Variants in MAPRE2 observed in about 807,000 individuals in gnomAD.
MAPRE2 encodes microtubule-associated protein RP/EB family member 2.
In MAPRE2, 13 loss-of-function variants were observed where a neutral mutation model predicts 43.2. The ratio of observed to expected loss-of-function variants is 0.30; its 90% CI spans 0.20 to 0.48. The LOEUF is 0.48. Ranked by LOEUF, MAPRE2 falls within the 20% of genes least tolerant of loss-of-function variation. The pLI, the probability that MAPRE2 is intolerant of heterozygous loss-of-function variation, is 0.99. For synonymous variants in MAPRE2, 135 were observed against 148.8 expected (o/e 0.91, Z 0.68); for missense variants, 161 against 400.2 (o/e 0.40, Z 5.10).
chr18:34,998,772 A>ATTTTTTTTTT (rs67933808), intron 1 of MAPRE2, among the ~76,000 whole-genome samples: 2,018 of 93,690 alleles, frequency 0.022, 137 homozygotes, highest in Non-Finnish European at 0.024. Context: ...CGAAGTTGCA[A>ATTTTTTTTTT]TTTTTTTTTT....
chr18:35,133,143 T>C (rs1910238266), intron 6 of MAPRE2, among the ~76,000 whole-genome samples: 1 of 152,218 alleles, frequency 6.6e-6, no homozygotes, highest in Non-Finnish European at 1.5e-5. Context: ...TTTACTCTCT[T>C]ATTCCAGCTG....
At chr18:35,097,701 C>T in intron 3 of MAPRE2, 110 bp downstream of exon 3, 1 of 923,138 alleles carries the variant, frequency 1.1e-6, no homozygotes, top group Non-Finnish European at 1.6e-6. Context: ...GATATCCCAA[C>T]AGTAGGCTGG....
upstream of MAPRE2, among the ~76,000 whole-genome samples, chr18:35,036,827 C>T (rs1386153662): frequency 6.6e-6 from 1 of 152,164 alleles, no homozygotes; most frequent in African/African-American, 2.4e-5. Flanking sequence ...TCATTGAGTG[C>T]CTACTATCTG....
intron 2 of MAPRE2, among the ~76,000 whole-genome samples, chr18:35,086,482 A>G (rs1436998094): frequency 3.3e-5 from 5 of 152,022 alleles, no homozygotes; most frequent in Non-Finnish European, 7.4e-5. Flanking sequence ...TAGAAAAGGT[A>G]TAGCTGATAC....
chr18:35,139,016 C>T (rs1297065392), intron 6 of MAPRE2, among the ~76,000 whole-genome samples: 1 of 152,052 alleles, frequency 6.6e-6, no homozygotes, highest in East Asian at 1.9e-4. Context: ...GATCCCTGAC[C>T]TCAGTAACCT....
At chr18:34,993,542 G>A (rs1234558703) in intron 1 of MAPRE2, among the ~76,000 whole-genome samples, 1 of 152,142 alleles carries the variant, frequency 6.6e-6, no homozygotes, top group Non-Finnish European at 1.5e-5. Context: ...TTTTAAGACT[G>A]TAGTTGAGTC....
chr18:35,119,495 C>T (rs998940841), intron 4 of MAPRE2, among the ~76,000 whole-genome samples: 7 of 152,182 alleles, frequency 4.6e-5, no homozygotes, highest in African/African-American at 7.2e-5. Flanking sequence ...GCATCTTGTG[C>T]GTTTCATTCA....
At chr18:34,988,214 C>CCAAA (rs2097021994) in intron 1 of MAPRE2, among the ~76,000 whole-genome samples, 1 of 152,112 alleles carries the variant, frequency 6.6e-6, no homozygotes, top group Admixed American at 6.5e-5. Flanking sequence ...CCAAACTATT[C>CCAAA]TTGTGAAATT....
intron 1 of MAPRE2, among the ~76,000 whole-genome samples, chr18:35,045,965 T>A (rs1905603180): frequency 6.6e-6 from 1 of 152,232 alleles, no homozygotes; most frequent in Admixed American, 6.5e-5. Flanking sequence ...CGGGTGCTCT[T>A]GCTTTGGGGA....
At chr18:34,977,249 T>C (rs2097013676) in intron 1 of MAPRE2, among the ~76,000 whole-genome samples, 2 of 152,038 alleles carry the variant, frequency 1.3e-5, no homozygotes, top group Admixed American at 1.3e-4. Context: ...TAGCAAGAAG[T>C]TGTGCAAGGG....
chr18:34,981,193 G>A (rs2097016027), intron 1 of MAPRE2, among the ~76,000 whole-genome samples: 1 of 151,888 alleles, frequency 6.6e-6, no homozygotes, highest in African/African-American at 2.4e-5. Flanking sequence ...GCCAAACATG[G>A]TGAAATCCCG....
intron 1 of MAPRE2, among the ~76,000 whole-genome samples, chr18:34,994,451 C>G (rs1398418357): frequency 2.0e-5 from 3 of 150,918 alleles, no homozygotes; most frequent in Admixed American, 6.6e-5. Context: ...GATGGTCAAA[C>G]TGGGGCTGCC....
chr18:35,097,056 T>A (rs77800662), intron 2 of MAPRE2, among the ~76,000 whole-genome samples: 2,374 of 152,296 alleles, frequency 0.016, 20 homozygotes, highest in Middle Eastern at 0.037. Context: ...TTTTGATGAC[T>A]TGGAGCAGGT....
intron 2 of MAPRE2, among the ~76,000 whole-genome samples, chr18:35,009,340 A>G (rs2097033303): frequency 6.6e-6 from 1 of 152,170 alleles, no homozygotes. Flanking sequence ...AGCTAGGGAT[A>G]TAGAGGTGAC....
At chr18:34,993,914 G>A (rs1305402351) in intron 1 of MAPRE2, among the ~76,000 whole-genome samples, 4 of 150,386 alleles carry the variant, frequency 2.7e-5, no homozygotes, top group South Asian at 2.1e-4. Flanking sequence ...GAATCCTAGT[G>A]TTTTAGAGCT....
At chr18:35,069,330 T>A (rs1187313216) in intron 1 of MAPRE2, among the ~76,000 whole-genome samples, 2 of 152,222 alleles carry the variant, frequency 1.3e-5, no homozygotes, top group African/African-American at 4.8e-5. Context: ...TATATTGAAA[T>A]GCATATTTGA....
At position 35,041,464 on chromosome 18, in the gene MAPRE2, A is replaced by G; in HGVS notation, c.-76A>G. ...AGGCACGGTCCGTGCGGAGCAGGCGAGCGAGCGGGAAGACGCAGCCACCTT... is the reference window on the plus strand; with the variant it reads ...AGGCACGGTCCGTGCGGAGCAGGCGGGCGAGCGGGAAGACGCAGCCACCTT... On this transcript the variant is annotated 5_prime_UTR_variant, in exon 1 of 7. Transcript: ENST00000300249. The G allele has an allele frequency of 6.2e-7, 1 of 1,610,160 alleles. No homozygotes were observed.
At chr18:35,088,043 A>G (rs1907959186) in intron 2 of MAPRE2, among the ~76,000 whole-genome samples, 1 of 152,212 alleles carries the variant, frequency 6.6e-6, no homozygotes, top group African/African-American at 2.4e-5. Flanking sequence ...CTGAACCCTC[A>G]TGGACTGCTT....
chr18:35,033,820 C>T (rs1406234022), intron 2 of MAPRE2, among the ~76,000 whole-genome samples: 2 of 147,418 alleles, frequency 1.4e-5, no homozygotes, highest in Middle Eastern at 7.1e-3. Context: ...TGTGAAGGAC[C>T]TCTTCAAGGA....
Sources: gnomAD v4.1 joint callset for allele counts (sites outside exome capture counted in the v4.1 genomes callset) on GRCh38, gnomAD v4.1.1 for gene constraint, MANE v1.5 for transcripts, NCBI Gene and HGNC (gene_info 2026-07-23, HGNC 2026-07-21) for gene names.